Variants in SLC24A2 observed in about 807,000 individuals in gnomAD.
The protein encoded by SLC24A2 is sodium/potassium/calcium exchanger 2.
SLC24A2 carries 36 observed loss-of-function variants against 62.0 expected under a neutral mutation model. The observed-to-expected ratio is 0.58, with a 90% confidence interval of 0.44 to 0.77. SLC24A2 has a LOEUF of 0.77. Ranked by LOEUF, SLC24A2 falls within the 30% of genes least tolerant of loss-of-function variation. The pLI is 0.00. For synonymous variants in SLC24A2, 358 were observed against 294.0 expected, an observed-to-expected ratio of 1.22 and a Z score of -2.23; for missense variants, 846 against 817.9, an observed-to-expected ratio of 1.03 and a Z score of -0.42.
At chr9:19,636,500 C>T (rs1265650748) in intron 2 of SLC24A2, among the ~76,000 whole-genome samples, 4 of 148,658 alleles carry the variant, frequency 2.7e-5, no homozygotes, top group Non-Finnish European at 4.5e-5. Flanking sequence ...GGTGTGATCT[C>T]GGCTCACTAC....
At chr9:19,757,721 G>A (rs565132827) in intron 2 of SLC24A2, among the ~76,000 whole-genome samples, 3 of 152,282 alleles carry the variant, frequency 2.0e-5, no homozygotes, top group Admixed American at 6.5e-5. Flanking sequence ...AATTCACGTT[G>A]AAATTTGATC....
chr9:19,727,775 C>A (rs1253283447), intron 2 of SLC24A2, among the ~76,000 whole-genome samples: 1 of 152,156 alleles, frequency 6.6e-6, no homozygotes, highest in Non-Finnish European at 1.5e-5. Context: ...TACCTTACAT[C>A]CCTCTCAGCA....
intron 8 of SLC24A2, among the ~76,000 whole-genome samples, chr9:19,542,216 A>T (rs1442308886): frequency 6.6e-6 from 1 of 152,120 alleles, no homozygotes; most frequent in Admixed American, 6.5e-5. Flanking sequence ...CTATTCGGCC[A>T]TCTTGGCTCC....
At chr9:19,950,401 G>C in the SLC24A2 span, among the ~76,000 whole-genome samples, 2 of 152,224 alleles carry the variant, frequency 1.3e-5, no homozygotes, top group East Asian at 3.9e-4. Flanking sequence ...TCCAGGGCCA[G>C]CAAGGTTTTT....
At chr9:19,847,634 A>G in the SLC24A2 span, among the ~76,000 whole-genome samples, 2 of 152,250 alleles carry the variant, frequency 1.3e-5, no homozygotes, top group Non-Finnish European at 2.9e-5. Context: ...ACCGGAGAGA[A>G]GACTGGGAGC....
chr9:19,695,901 G>A (rs1461027135), intron 2 of SLC24A2, among the ~76,000 whole-genome samples: 1 of 152,080 alleles, frequency 6.6e-6, no homozygotes, highest in African/African-American at 2.4e-5. Flanking sequence ...ACTATACAAA[G>A]TTAACAAGCT....
At chr9:20,126,054 G>A in the SLC24A2 span, among the ~76,000 whole-genome samples, 2 of 152,268 alleles carry the variant, frequency 1.3e-5, no homozygotes, top group Non-Finnish European at 2.9e-5. Flanking sequence ...GTGCTCACCC[G>A]ATTTTTGGTT....
the SLC24A2 span, among the ~76,000 whole-genome samples, chr9:19,990,915 C>A: frequency 8.2e-5 from 2 of 24,334 alleles, no homozygotes; most frequent in Non-Finnish European, 1.1e-4. Flanking sequence ...AGGGACAGGA[C>A]TAATAGGATA....
the SLC24A2 span, among the ~76,000 whole-genome samples, chr9:20,054,546 T>G: frequency 6.6e-6 from 1 of 152,176 alleles, no homozygotes; most frequent in East Asian, 1.9e-4. Flanking sequence ...CAGCATACAC[T>G]GGTACCCAAA....
chr9:20,203,923 T>TACA, the SLC24A2 span, among the ~76,000 whole-genome samples: 1 of 152,214 alleles, frequency 6.6e-6, no homozygotes, highest in African/African-American at 2.4e-5. Context: ...ACGTATTTAG[T>TACA]GTAGATGGGT....
the SLC24A2 span, among the ~76,000 whole-genome samples, chr9:20,125,424 T>C: frequency 6.6e-6 from 1 of 152,224 alleles, no homozygotes; most frequent in Non-Finnish European, 1.5e-5. Context: ...TAGGCACTTA[T>C]TTTTAAACCT....
At chr9:19,950,424 G>C in the SLC24A2 span, among the ~76,000 whole-genome samples, 1 of 152,028 alleles carries the variant, frequency 6.6e-6, no homozygotes, top group African/African-American at 2.4e-5. Context: ...ATAATAGAGA[G>C]ACTTTGTAAC....
the SLC24A2 span, chr9:19,929,546 T>G: frequency 6.6e-6 from 1 of 152,216 alleles, no homozygotes; most frequent in African/African-American, 2.4e-5. Context: ...TGTTTGCCAG[T>G]TGTAAAAAAG....
chr9:19,856,741 C>A, the SLC24A2 span, among the ~76,000 whole-genome samples: 4 of 152,146 alleles, frequency 2.6e-5, no homozygotes, highest in Admixed American at 2.0e-4. Context: ...CTGGCAGTGC[C>A]TGTTGGAGGG....
At chr9:19,588,693 G>A (rs1563984286) in intron 5 of SLC24A2, among the ~76,000 whole-genome samples, 2 of 152,180 alleles carry the variant, frequency 1.3e-5, no homozygotes, top group African/African-American at 2.4e-5. Context: ...CCGCGTGGTG[G>A]CTCATGCCTG....
chr9:19,508,317 G>A lies in SLC24A2; in HGVS notation c.*7836C>T, dbSNP rs910802524. 3.9e-5 allele frequency: 6 copies of A among 152,156 alleles called. No homozygotes were observed. Among genetic ancestry groups the A allele is most frequent in the Non-Finnish European group, 8.8e-5 (6 of 68,024 alleles). 9.4% of individuals were successfully genotyped at this position (152,156 alleles called of 1,614,324 possible). A position where few individuals can be genotyped will look rare whatever the true frequency, so the allele number is the denominator to read the frequency against. ...TCAGACCACAAAACAGCCTCTAACA[G>A]AGGAATATCACTGGCCCTTGGTTCA... On this transcript the variant is annotated 3_prime_UTR_variant, in exon 11 of 11. Transcript: ENST00000341998.
chr9:19,583,287 G>A (rs1836261943), intron 5 of SLC24A2, among the ~76,000 whole-genome samples: 2 of 152,164 alleles, frequency 1.3e-5, no homozygotes, highest in Non-Finnish European at 2.9e-5. Context: ...TCTTCCCCCA[G>A]AGGTCCACAG....
the SLC24A2 span, among the ~76,000 whole-genome samples, chr9:20,135,933 C>A: frequency 1.2e-4 from 18 of 152,168 alleles, no homozygotes; most frequent in African/African-American, 3.4e-4. Flanking sequence ...TTCAGCAGCA[C>A]GACTTAGCCA....
intron 2 of SLC24A2, among the ~76,000 whole-genome samples, chr9:19,738,352 G>A (rs1055602379): frequency 6.6e-6 from 1 of 152,150 alleles, no homozygotes; most frequent in African/African-American, 2.4e-5. Flanking sequence ...TGGAGTGGGG[G>A]CTGGATGATG....
Sources: gnomAD v4.1 joint callset for allele counts (sites outside exome capture counted in the v4.1 genomes callset) on GRCh38, gnomAD v4.1.1 for gene constraint, MANE v1.5 for transcripts, NCBI Gene and HGNC (gene_info 2026-07-23, HGNC 2026-07-21) for gene names.